Variants in SLC2A13 observed in about 807,000 individuals in gnomAD.
SLC2A13 encodes proton myo-inositol cotransporter.
In SLC2A13, 32 loss-of-function variants were observed where a neutral mutation model predicts 64.4. The observed-to-expected ratio is 0.50, with a 90% CI of 0.37 to 0.67. The LOEUF is 0.67. Among genes scored for constraint, SLC2A13 ranks in the 30% least tolerant of loss-of-function variants. SLC2A13 has a pLI of 0.00. For missense variants in SLC2A13, 743 were observed against 829.2 expected (o/e 0.90, Z 1.28); for synonymous variants, 338 against 327.1 (o/e 1.03, Z -0.36).
chr12:40,048,350 G>T, intron 1 of SLC2A13, 140 bp from the exon 2 acceptor site: 1 of 773,070 alleles, frequency 1.3e-6, no homozygotes, highest in Non-Finnish European at 1.9e-6. Context: ...ACATATTTAA[G>T]ATTTTGTTCA....
At chr12:40,073,893 A>G (rs1938063285) in intron 1 of SLC2A13, among the ~76,000 whole-genome samples, 1 of 152,068 alleles carries the variant, frequency 6.6e-6, no homozygotes, top group Admixed American at 6.6e-5. Context: ...TTTGTCAACT[A>G]GGAAATTGTA....
At chr12:40,101,578 C>T (rs1164665621) in intron 1 of SLC2A13, among the ~76,000 whole-genome samples, 1 of 152,166 alleles carries the variant, frequency 6.6e-6, no homozygotes, top group Non-Finnish European at 1.5e-5. Flanking sequence ...CAAAAACCCT[C>T]ACATCTCAGA....
At chr12:39,862,417 C>T (rs964669877) in intron 6 of SLC2A13, among the ~76,000 whole-genome samples, 8 of 152,150 alleles carry the variant, frequency 5.3e-5, no homozygotes, top group Admixed American at 2.6e-4. Flanking sequence ...TACAAGTGGA[C>T]GTGCTGAGTC....
chr12:39,905,795 G>T (rs1262855669), intron 4 of SLC2A13, among the ~76,000 whole-genome samples: 1 of 145,544 alleles, frequency 6.9e-6, no homozygotes, highest in Non-Finnish European at 1.5e-5. Flanking sequence ...GCCTTCAAAA[G>T]GTACTAGGCC....
chr12:39,789,639 G>C (rs1208829870), intron 7 of SLC2A13, among the ~76,000 whole-genome samples: 4 of 152,172 alleles, frequency 2.6e-5, no homozygotes, highest in Non-Finnish European at 5.9e-5. Flanking sequence ...TGTGTCGTAA[G>C]AAGTTGAAAC....
chr12:39,863,947 C>T (rs776680184), intron 6 of SLC2A13, among the ~76,000 whole-genome samples: 18 of 152,108 alleles, frequency 1.2e-4, no homozygotes, highest in Admixed American at 2.6e-4. Flanking sequence ...TTGAGACTTG[C>T]GTCCATCTAT....
chr12:40,040,406 G>T (rs1184564128), intron 2 of SLC2A13, among the ~76,000 whole-genome samples: 1 of 152,106 alleles, frequency 6.6e-6, no homozygotes, highest in Non-Finnish European at 1.5e-5. Context: ...TTTTGGGGTT[G>T]TTTTGAAAAA....
At chr12:39,849,444 C>T (rs1943407037) in intron 6 of SLC2A13, among the ~76,000 whole-genome samples, 1 of 152,130 alleles carries the variant, frequency 6.6e-6, no homozygotes, top group Admixed American at 6.5e-5. Flanking sequence ...GAGACAGAAG[C>T]TCAGTAATGT....
intron 6 of SLC2A13, among the ~76,000 whole-genome samples, chr12:39,856,784 A>G (rs1943620653): frequency 6.6e-6 from 1 of 152,250 alleles, no homozygotes; most frequent in Non-Finnish European, 1.5e-5. Flanking sequence ...ATGATGGGAA[A>G]TACTCCAACT....
At chr12:39,913,854 G>A (rs902264737) in intron 4 of SLC2A13, among the ~76,000 whole-genome samples, 1 of 151,808 alleles carries the variant, frequency 6.6e-6, no homozygotes, top group Non-Finnish European at 1.5e-5. Context: ...AATGACACCA[G>A]TAACAATCTA....
chr12:39,965,511 G>A (rs910513507), intron 3 of SLC2A13, among the ~76,000 whole-genome samples: 1 of 152,066 alleles, frequency 6.6e-6, no homozygotes, highest in Non-Finnish European at 1.5e-5. Context: ...TTACAAACCT[G>A]GCTTAGAATA....
chr12:40,087,772 G>A (rs1938631156), intron 1 of SLC2A13, among the ~76,000 whole-genome samples: 1 of 152,138 alleles, frequency 6.6e-6, no homozygotes, highest in South Asian at 2.1e-4. Flanking sequence ...AAACCACCAT[G>A]AAGTGGATAA....
chr12:39,923,312 A>G (rs1371506369), intron 4 of SLC2A13, among the ~76,000 whole-genome samples: 3 of 152,334 alleles, frequency 2.0e-5, no homozygotes, highest in Non-Finnish European at 4.4e-5. Context: ...ATGTAATACT[A>G]TTCACCTATG....
At chr12:40,068,422 T>G (rs1937821554) in intron 1 of SLC2A13, 1 of 258,426 alleles carries the variant, frequency 3.9e-6, no homozygotes, top group African/African-American at 2.4e-5. Context: ...ATTGGGGATT[T>G]CCTCAAAGCT....
chr12:40,067,967 A>C (rs1937801102), intron 1 of SLC2A13, among the ~76,000 whole-genome samples: 1 of 152,134 alleles, frequency 6.6e-6, no homozygotes, highest in South Asian at 2.1e-4. Flanking sequence ...ACACTGATGC[A>C]ATCTTGACTC....
chr12:39,786,416 A>C (rs1941190795), intron 7 of SLC2A13, among the ~76,000 whole-genome samples: 1 of 4,154 alleles, frequency 2.4e-4, no homozygotes, highest in Admixed American at 2.9e-3. Context: ...CTGTGAGTCC[A>C]GTTAAATCTC....
In SLC2A13 at chr12:40,105,596, C is replaced by G. The variant is rs764057239; in HGVS notation, c.213G>C (p.Gln71His). 9 of 1,532,106 alleles carry G rather than the reference C, an allele frequency of 5.9e-6. No homozygotes were observed. The highest frequency in any genetic ancestry group is 7.9e-6 in the Non-Finnish European group (9 of 1,142,368). The allele number at this position is 1,532,106 out of a possible 1,614,324, so 94.9% of individuals were successfully genotyped here. A position where few individuals can be genotyped will look rare whatever the true frequency, so the allele number is the denominator to read the frequency against. ...VGDLERAARR[Q>H]FQQDETPAFV... ...AGGCGGGGGTCTCGTCCTGCTGGAA[C>G]TGCCGCCGCGCCGCGCGCTCCAGGT... The change falls in exon 1 of 10, where the codon CAG (glutamine) becomes CAC (histidine). Residue 71 changes from glutamine (Q) to histidine (H), a missense_variant. Around this residue, in one of 2 missense-constraint regions of SLC2A13, gnomAD observed 448 missense variants for 447.4 expected, o/e 1.00. Transcript: ENST00000280871. This position sits in a 1 kb window ranked among gnomAD's most constrained non-coding sequence, Gnocchi z 4.2.
intron 1 of SLC2A13, among the ~76,000 whole-genome samples, chr12:40,061,465 G>A (rs1027056417): frequency 6.6e-6 from 1 of 152,058 alleles, no homozygotes; most frequent in Non-Finnish European, 1.5e-5. Flanking sequence ...TAGAAATATA[G>A]AGGGTCATTC....
In SLC2A13 at chr12:39,850,902, A is replaced by T. The variant is rs528691315; in HGVS notation, c.1319+13860T>A. Among the ~76,000 whole-genome samples the T allele has an allele frequency of 2.3e-3, 330 of 144,948 alleles. 2 individuals carry two copies. The highest frequency in any genetic ancestry group is 7.5e-3 in the African/African-American group (297 of 39,704). ...TGAATATTTAGGCCCCACAAAGTTAATTTTTTTTTTTTTTTGAGATGGAGT... is the reference window on the plus strand; with the variant it reads ...TGAATATTTAGGCCCCACAAAGTTATTTTTTTTTTTTTTTTGAGATGGAGT... On this transcript the variant is annotated intron_variant, in intron 6 of 9. Coordinates refer to ENST00000280871, the MANE Select transcript of SLC2A13 (RefSeq NM_052885.4).
Sources: allele counts gnomAD v4.1 joint callset (sites outside exome capture counted in the v4.1 genomes callset), GRCh38; gene constraint gnomAD v4.1.1; regional missense constraint gnomAD v4.1.1; non-coding constraint Gnocchi (gnomAD v3.1); transcripts MANE v1.5; gene names NCBI Gene and HGNC (gene_info 2026-07-23, HGNC 2026-07-21).